Variants in IWS1 observed in about 807,000 individuals in gnomAD.
IWS1 encodes interacts with SUPT6H, CTD assembly factor 1.
Under a neutral mutation model 86.7 loss-of-function variants are expected in IWS1, and 27 were observed. The observed-to-expected ratio is 0.31, with a 90% CI of 0.23 to 0.43. IWS1 has a LOEUF of 0.43. IWS1 is among the 20% of genes least tolerant of loss of function. The pLI, the probability that IWS1 is intolerant of heterozygous loss-of-function variation, is 1.00. For missense variants in IWS1, 827 were observed against 1,000.8 expected, an observed-to-expected ratio of 0.83 and a Z score of 2.34; for synonymous variants, 313 against 335.1, an observed-to-expected ratio of 0.93 and a Z score of 0.72.
chr2:127,498,071 A>G (rs1397034533), intron 6 of IWS1, 69 bp downstream of exon 6: 6 of 1,210,016 alleles, frequency 5.0e-6, no homozygotes, highest in Non-Finnish European at 6.0e-6. Context: ...GAAAAACAAA[A>G]GAGAGTTTAA....
intron 2 of IWS1, 136 bp downstream of exon 2, chr2:127,523,540 T>TC (rs1692224073): frequency 1.7e-6 from 1 of 586,826 alleles, no homozygotes; most frequent in African/African-American, 1.9e-5. Flanking sequence ...CAAGCGGTTT[T>TC]CTATTAACTT....
At chr2:127,486,486 C>T in intron 13 of IWS1, 67 bp downstream of exon 13, 3 of 1,122,068 alleles carry the variant, frequency 2.7e-6, no homozygotes, top group South Asian at 1.2e-5. Flanking sequence ...GTTATTAACA[C>T]ATGAAGTAAA....
intron 2 of IWS1, chr2:127,511,383 T>C (rs1475709379): frequency 6.6e-6 from 1 of 152,218 alleles, no homozygotes; most frequent in East Asian, 1.9e-4. Context: ...ACTAAAAGCA[T>C]GCAAAGCCGT....
chr2:127,525,413 A>G (rs1265225755), intron 1 of IWS1, among the ~76,000 whole-genome samples: 1 of 152,168 alleles, frequency 6.6e-6, no homozygotes, highest in Non-Finnish European at 1.5e-5. Flanking sequence ...TTTAATTTTC[A>G]ATTTTTGTGG....
At position 127,499,266 on chromosome 2, in the gene IWS1, A is replaced by G. The variant is rs1690678270; in HGVS notation, c.1468-1029T>C. Among the ~76,000 whole-genome samples, 1 of 151,582 alleles carries G rather than the reference A, an allele frequency of 6.6e-6. No individual in the cohort carries two copies. The highest frequency in any genetic ancestry group is 1.9e-4 in the East Asian group (1 of 5,166). On this transcript the variant is annotated intron_variant, in intron 5 of 13. Coordinates refer to ENST00000295321, the MANE Select transcript of IWS1 (RefSeq NM_017969.3). This position sits in a 1 kb window ranked among gnomAD's most constrained non-coding sequence, Gnocchi z 4.0. ...CCACCATGCCCAGCTAATTTTTCGT[A>G]TTTTTAGTAGAGATGGGGTTTCACC...
intron 2 of IWS1, among the ~76,000 whole-genome samples, chr2:127,512,557 T>C (rs980894787): frequency 6.6e-6 from 1 of 152,200 alleles, no homozygotes; most frequent in African/African-American, 2.4e-5. Flanking sequence ...ATATATCAAG[T>C]CCTTCTTAAT....
rs1401705991 is a variant in IWS1, at chr2:127,504,682, ACATGCTTTCT to A, written c.1211_1219+1del. 6.3e-7 allele frequency: 1 copy of A among 1,588,412 alleles called. No homozygotes were observed. The highest frequency in any genetic ancestry group is 8.6e-7 in the Non-Finnish European group (1 of 1,167,346). On this transcript the variant is annotated splice_donor_variant and coding_sequence_variant, in exon 3 of 14. Transcript: ENST00000295321. LOFTEE classifies it high-confidence loss of function. ...GATAAACAGCCCAAGGTAACTCCTTACATGCTTTCTCTTCATCTTCACTATCAGAAAGCAC... is the reference window on the plus strand; with the variant it reads ...GATAAACAGCCCAAGGTAACTCCTTACTTCATCTTCACTATCAGAAAGCAC...
chr2:127,511,754 T>G (rs1358346839), intron 2 of IWS1, among the ~76,000 whole-genome samples: 1 of 152,326 alleles, frequency 6.6e-6, no homozygotes, highest in East Asian at 1.9e-4. Context: ...TGGAAAATAA[T>G]GTTTGCATTA....
chr2:127,507,304 AAG>A (rs1364930815), intron 2 of IWS1, among the ~76,000 whole-genome samples: 2 of 152,234 alleles, frequency 1.3e-5, no homozygotes, highest in African/African-American at 4.8e-5. Flanking sequence ...CCAATGTTTG[AAG>A]AGTTTTTAAA....
intron 1 of IWS1, 110 bp downstream of exon 1, chr2:127,526,065 G>C (rs1244552723): frequency 1.9e-6 from 2 of 1,065,586 alleles, no homozygotes; most frequent in African/African-American, 3.2e-5. Context: ...CCGGGTCGCG[G>C]GAGGGAAGGT....
chr2:127,504,553 A>C (rs1028299611), intron 3 of IWS1, 131 bp downstream of exon 3: 22 of 707,850 alleles, frequency 3.1e-5, no homozygotes, highest in Non-Finnish European at 5.3e-5. Flanking sequence ...TGAGTGTCCT[A>C]CTGATATTTT....
chr2:127,511,785 CAA>C (rs1244350802), intron 2 of IWS1, among the ~76,000 whole-genome samples: 1 of 152,106 alleles, frequency 6.6e-6, no homozygotes, highest in Non-Finnish European at 1.5e-5. Flanking sequence ...GAATCAAAGA[CAA>C]AGACTGAAAA....
At chr2:127,510,659 ATT>A (rs1225878539) in intron 2 of IWS1, among the ~76,000 whole-genome samples, 2 of 144,776 alleles carry the variant, frequency 1.4e-5, no homozygotes, top group Non-Finnish European at 1.5e-5. Flanking sequence ...CGTCCGGATA[ATT>A]TTTTTTTTTT....
intron 6 of IWS1, among the ~76,000 whole-genome samples, chr2:127,496,809 C>T (rs1181385080): frequency 6.6e-6 from 1 of 152,146 alleles, no homozygotes; most frequent in Non-Finnish European, 1.5e-5. Context: ...AACTCCTGGC[C>T]TCAAGTGATC....
chr2:127,496,262 T>C (rs1482604270), intron 6 of IWS1, 114 bp from the exon 7 acceptor site: 2 of 1,182,382 alleles, frequency 1.7e-6, no homozygotes, highest in Non-Finnish European at 2.3e-6. Context: ...AAGTGCTACC[T>C]TCTTTTAAAA....
rs1467772249 is a variant in IWS1 at position 127,505,417 on chromosome 2, C to G, written c.486G>C (p.Glu162Asp). ...GKHPASDSEI[E>D]ELQKSPASDS... ...CACTAGCAGGACTCTTCTGGAGCTC[C>G]TCAATCTCAGAATCACTGGCGGGAT... The change falls in exon 3 of 14, where the codon GAG (glutamate) becomes GAC (aspartate). Residue 162 changes from glutamate (E) to aspartate (D), a missense_variant. By Grantham distance (45) the Glu-to-Asp change is conservative. Coordinates refer to ENST00000295321, the MANE Select transcript of IWS1 (RefSeq NM_017969.3). This position sits in a 1 kb window ranked among gnomAD's most constrained non-coding sequence, Gnocchi z 5.0. The G allele has an allele frequency of 6.2e-7, 1 of 1,614,074 alleles. No homozygotes were observed. Among genetic ancestry groups the G allele is most frequent in the South Asian group, 1.1e-5 (1 of 91,074 alleles).
chr2:127,518,076 G>A (rs1462885596), intron 2 of IWS1, among the ~76,000 whole-genome samples: 1 of 152,182 alleles, frequency 6.6e-6, no homozygotes, highest in South Asian at 2.1e-4. Flanking sequence ...GGTAGGCAAA[G>A]GGAAGAGGAG....
chr2:127,501,073 T>G (rs1203157102), intron 5 of IWS1, among the ~76,000 whole-genome samples: 2 of 152,212 alleles, frequency 1.3e-5, no homozygotes, highest in Non-Finnish European at 2.9e-5. Flanking sequence ...CAATACTCAT[T>G]TAGACTTATA....
At chr2:127,487,310 T>C (rs1689979843) in intron 12 of IWS1, among the ~76,000 whole-genome samples, 1 of 152,162 alleles carries the variant, frequency 6.6e-6, no homozygotes, top group African/African-American at 2.4e-5. Flanking sequence ...TATTTACACT[T>C]CCCCAGTTTT....
Sources: allele counts gnomAD v4.1 joint callset (sites outside exome capture counted in the v4.1 genomes callset), GRCh38; gene constraint gnomAD v4.1.1; non-coding constraint Gnocchi (gnomAD v3.1); transcripts MANE v1.5; gene names NCBI Gene and HGNC (gene_info 2026-07-23, HGNC 2026-07-21).